The following USF2 variants were observed in gnomAD, a reference collection of about 807,000 sequenced individuals.
USF2 encodes the protein upstream stimulatory factor 2.
A neutral mutation model predicts 46.9 loss-of-function variants in USF2; 16 were observed. The observed-to-expected ratio is 0.34, with a 90% CI of 0.23 to 0.52. USF2 has a LOEUF of 0.52. Ranked by LOEUF, USF2 falls within the 20% of genes least tolerant of loss-of-function variation. The probability of loss-of-function intolerance (pLI) is 0.96; values close to 1 mark genes in which losing one functional copy is unlikely to be tolerated. For missense variants in USF2, 411 were observed against 474.0 expected, an observed-to-expected ratio of 0.87 and a Z score of 1.23; for synonymous variants, 239 against 194.1, an observed-to-expected ratio of 1.23 and a Z score of -1.92.
At position 35,279,352 on chromosome 19, in the gene USF2, C is replaced by A. The variant is rs755325467; in HGVS notation, c.*96C>A. ...CAGAGAGGGACACATGCCCCTCCCC[C>A]AGCTGCGTTTTTTTATAGTAGATTT... is the stretch of plus-strand genomic sequence containing the variant. On this transcript the variant is annotated 3_prime_UTR_variant, in exon 10 of 10. Coordinates refer to ENST00000222305, the MANE Select transcript of USF2 (RefSeq NM_003367.4). 4.3e-4 allele frequency: 540 copies of A among 1,265,654 alleles called. No homozygotes were observed. Among genetic ancestry groups the A allele is most frequent in the Non-Finnish European group, 5.0e-4 (483 of 969,524 alleles). 78.4% of individuals were successfully genotyped at this position (1,265,654 alleles called of 1,614,324 possible).
Position 35,279,404 on chromosome 19 carries a change from C to A in USF2, c.*148C>A. On this transcript the variant is annotated 3_prime_UTR_variant, in exon 10 of 10. Transcript: ENST00000222305. Reference sequence around the variant, plus strand: ...TAACAAAAAACGGGGAGAAATAATGCATTTCTGTGGATACAGTGCCCACCG... The same window carrying A: ...TAACAAAAAACGGGGAGAAATAATGAATTTCTGTGGATACAGTGCCCACCG... The A allele has an allele frequency of 1.1e-6, 1 of 885,450 alleles. No individual in the cohort carries two copies. Among genetic ancestry groups the A allele is most frequent in the Non-Finnish European group, 1.6e-6 (1 of 616,754 alleles). 54.8% of individuals were successfully genotyped at this position (885,450 alleles called of 1,614,324 possible). A position where few individuals can be genotyped will look rare whatever the true frequency, so the allele number is the denominator to read the frequency against.
In USF2 at chr19:35,269,898, G is replaced by A. The variant is rs1273148049; in HGVS notation, c.324G>A (p.Ala108=). ...AVSVVSTAAF[A]GGQQAVTQVG... ...GCGTCGTGTCCACCGCTGCCTTCGCGGGGGGGCAGCAGGCTGTGACCCAGG... is the reference window on the plus strand; with the variant it reads ...GCGTCGTGTCCACCGCTGCCTTCGCAGGGGGGCAGCAGGCTGTGACCCAGG... The change falls in exon 4 of 10, where the codon GCG becomes GCA. Residue 108 remains alanine, a synonymous_variant. Transcript: ENST00000222305. 2.1e-6 allele frequency: 3 copies of A among 1,397,952 alleles called. No individual in the cohort carries two copies. Among genetic ancestry groups the A allele is most frequent in the South Asian group, 3.2e-5 (2 of 61,580 alleles). 86.6% of individuals were successfully genotyped at this position (1,397,952 alleles called of 1,614,324 possible). A position where few individuals can be genotyped will look rare whatever the true frequency, so the allele number is the denominator to read the frequency against.
intron 6 of USF2, 123 bp from the exon 7 acceptor site, chr19:35,270,960 G>A: frequency 6.9e-7 from 1 of 1,452,680 alleles, no homozygotes; most frequent in South Asian, 1.2e-5. Flanking sequence ...AAAGTATCAT[G>A]TCTTTTGTTT....
intron 1 of USF2, 83 bp from the exon 2 acceptor site, chr19:35,269,363 G>A: frequency 8.2e-7 from 1 of 1,215,780 alleles, no homozygotes; most frequent in African/African-American, 1.6e-5. Context: ...GGCCGGGTGG[G>A]ACTGGGGCCC....
At chr19:35,271,598 C>T (rs917209787) in intron 7 of USF2, among the ~76,000 whole-genome samples, 1 of 152,238 alleles carries the variant, frequency 6.6e-6, no homozygotes, top group Non-Finnish European at 1.5e-5. Flanking sequence ...GAAGTTCTGC[C>T]TCTGGCTACC....
Position 35,269,590 on chromosome 19 carries a change from G to A in USF2, c.119G>A (p.Gly40Asp), listed in dbSNP as rs916659768. The A allele has an allele frequency of 6.3e-7, 1 of 1,590,748 alleles. No individual in the cohort carries two copies. Among genetic ancestry groups the A allele is most frequent in the Non-Finnish European group, 8.5e-7 (1 of 1,170,250 alleles). The change falls in exon 3 of 10, where the codon GGC (glycine) becomes GAC (aspartate). Residue 40 changes from glycine to aspartate, a missense_variant. By Grantham distance (94) the Gly-to-Asp change is moderately conservative. Around this residue, in one of 2 missense-constraint regions of USF2, gnomAD observed 318 missense variants for 322.4 expected, o/e 0.99. Transcript: ENST00000222305. ...EGVELQEGGD[G>D]PGAEEQTAVA... The stretch of plus-strand genomic sequence containing the variant: ...CCCTCCTCGGCCCCAGGCGGGGACG[G>A]CCCAGGAGCGGAGGAGCAGACAGCG...
chr19:35,274,530 G>A (rs901749441), intron 7 of USF2, among the ~76,000 whole-genome samples: 3 of 152,142 alleles, frequency 2.0e-5, no homozygotes, highest in Admixed American at 2.0e-4. Flanking sequence ...GGTGGCTCCC[G>A]CCCGGAATCC....
intron 5 of USF2, 34 bp from the exon 6 acceptor site, chr19:35,270,684 C>T: frequency 1.2e-6 from 2 of 1,613,468 alleles, no homozygotes; most frequent in South Asian, 2.2e-5. Flanking sequence ...TGACTTCACC[C>T]TGCCTTGCCA....
chr19:35,269,142 C>A lies in USF2; in HGVS notation c.41C>A (p.Ala14Asp). ...LDPGLDPAAS[A>D]TAAAAASHDK... is the part of the protein sequence containing the mutation. The stretch of plus-strand genomic sequence containing the variant: ...CCGGGTCTGGATCCCGCTGCCTCGG[C>A]CACCGCTGCTGCCGCCGCCAGGTAA... Residue 14 changes from alanine (A) to aspartate (D), a missense_variant, in exon 1 of 10, where the codon GCC (alanine) becomes GAC (aspartate). Coordinates refer to ENST00000222305, the MANE Select transcript of USF2 (RefSeq NM_003367.4). 2.0e-6 allele frequency: 2 copies of A among 993,980 alleles called. No homozygotes were observed. The highest frequency in any genetic ancestry group is 2.4e-6 in the Non-Finnish European group (2 of 824,940). 61.6% of individuals were successfully genotyped at this position (993,980 alleles called of 1,614,324 possible).
chr19:35,270,816 G>T lies in USF2; in HGVS notation c.668+11G>T, dbSNP rs768720683. ...ACACCCTTACTCTCCGTATGTGCAG[G>T]GGACACCTGGAGGGCCTGGTGTTGA... On this transcript the variant is annotated intron_variant, in intron 6 of 9. Coordinates refer to ENST00000222305, the MANE Select transcript of USF2 (RefSeq NM_003367.4). 3 of 1,614,006 alleles carry T rather than the reference G, an allele frequency of 1.9e-6. No homozygotes were observed. The highest frequency in any genetic ancestry group is 2.5e-6 in the Non-Finnish European group (3 of 1,180,010).
Position 35,278,729 on chromosome 19 carries a change from C to T in USF2, c.759C>T (p.Asn253=), listed in dbSNP as rs2066268200. ...GGAGGCGGAGGGACAAGATCAACAA[C>T]TGGATCGTCCAGCTTTCGAAAATCA... The part of the protein sequence containing the change: ...VERRRRDKIN[N]WIVQLSKIIP... The change falls in exon 8 of 10, where the codon AAC becomes AAT. Residue 253 remains asparagine (N), a synonymous_variant. Transcript: ENST00000222305. 1.9e-6 allele frequency: 3 copies of T among 1,614,176 alleles called. No individual in the cohort carries two copies. The highest frequency in any genetic ancestry group is 1.7e-5 in the Admixed American group (1 of 60,026).
At chr19:35,270,640 G>T in intron 5 of USF2, 43 bp downstream of exon 5, 2 of 1,611,730 alleles carry the variant, frequency 1.2e-6, no homozygotes, top group Non-Finnish European at 1.7e-6. Context: ...GAGGCAACGG[G>T]CCCAGCAGGG....
At chr19:35,278,911 C>G in intron 8 of USF2, 35 bp from the exon 9 acceptor site, 1 of 1,573,824 alleles carries the variant, frequency 6.4e-7, no homozygotes, top group South Asian at 1.2e-5. Flanking sequence ...GTGGGCGGTG[C>G]CTGCCCTAAG....
chr19:35,270,072 G>A, intron 4 of USF2, 69 bp downstream of exon 4: 1 of 1,338,102 alleles, frequency 7.5e-7, no homozygotes, highest in South Asian at 1.9e-5. Context: ...CTGCTCTTGG[G>A]GAGCCCCGGG....
At chr19:35,277,900 G>GAA (rs1458207643) in intron 7 of USF2, 1 of 152,290 alleles carries the variant, frequency 6.6e-6, no homozygotes, top group Non-Finnish European at 1.5e-5. Flanking sequence ...TGTGGCCAGA[G>GAA]AAAGGCATGT....
rs1370663080 is a variant in USF2, at chr19:35,270,503, C to T, written c.486C>T (p.Ser162=). 3 of 1,614,110 alleles carry T rather than the reference C, an allele frequency of 1.9e-6. No homozygotes were observed. The highest frequency in any genetic ancestry group is 2.2e-5 in the East Asian group (1 of 44,890). The part of the protein sequence containing the change: ...NGGSPAAEAV[S]GEARFAYFPA... ...GCAGTCCGGCGGCCGAGGCTGTCAGCGGGGAGGCACGATTTGCCTATTTCC... is the reference window on the plus strand; with the variant it reads ...GCAGTCCGGCGGCCGAGGCTGTCAGTGGGGAGGCACGATTTGCCTATTTCC... Residue 162 remains serine (S), a synonymous_variant, in exon 5 of 10, where the codon AGC becomes AGT. Transcript: ENST00000222305.
chr19:35,271,290 A>G, intron 7 of USF2, 149 bp downstream of exon 7: 1 of 860,102 alleles, frequency 1.2e-6, no homozygotes, highest in Non-Finnish European at 1.8e-6. Context: ...AAAGGTAGAA[A>G]GTGAGCAACG....
intron 7 of USF2, among the ~76,000 whole-genome samples, chr19:35,273,055 C>T (rs995676546): frequency 1.3e-5 from 2 of 151,980 alleles, no homozygotes; most frequent in African/African-American, 2.4e-5. Flanking sequence ...CCTCCCACCC[C>T]ACTCTCACCC....
Position 35,271,773 on chromosome 19 carries a change from A to T in USF2, c.727+632A>T, listed in dbSNP as rs2066160247. On this transcript the variant is annotated intron_variant, in intron 7 of 9. Coordinates refer to ENST00000222305, the MANE Select transcript of USF2 (RefSeq NM_003367.4). ...CCCAAACAACCATCATTCAACAAAT[A>T]TTTACTGCCCGTGGGTTCTGGGCTG... Among the ~76,000 whole-genome samples, 3 of 152,140 alleles carry T rather than the reference A, an allele frequency of 2.0e-5. No homozygotes were observed. The South Asian group carries it at 6.2e-4, about 32-fold the overall frequency.
Sources: allele counts gnomAD v4.1 joint callset (sites outside exome capture counted in the v4.1 genomes callset), GRCh38; gene constraint gnomAD v4.1.1; regional missense constraint gnomAD v4.1.1; transcripts MANE v1.5; gene names NCBI Gene and HGNC (gene_info 2026-07-23, HGNC 2026-07-21).